The following GALNT10 variants were observed in gnomAD, a reference collection of about 807,000 sequenced individuals.
The protein encoded by GALNT10 is polypeptide N-acetylgalactosaminyltransferase 10.
Under a neutral mutation model 75.0 loss-of-function variants are expected in GALNT10, and 41 were observed. That is an observed-to-expected ratio of 0.55 (90% confidence interval 0.43 to 0.71). GALNT10 has a LOEUF of 0.71. Ranked by LOEUF, GALNT10 falls within the 30% of genes least tolerant of loss-of-function variation. GALNT10 has a pLI of 0.00. For missense variants in GALNT10, 727 were observed against 818.5 expected (o/e 0.89, Z 1.36); for synonymous variants, 302 against 313.0 (o/e 0.96, Z 0.37).
At chr5:154,222,925 C>A (rs1581926116) in intron 1 of GALNT10, among the ~76,000 whole-genome samples, 2 of 152,174 alleles carry the variant, frequency 1.3e-5, no homozygotes, top group Admixed American at 1.3e-4. Flanking sequence ...GTATCAGTAT[C>A]ATCTGGCAAA....
Position 154,260,919 on chromosome 5 carries a change from G to A in GALNT10, c.160-33897G>A, listed in dbSNP as rs565905904. Among the ~76,000 whole-genome samples the A allele has an allele frequency of 3.3e-5, 5 of 152,308 alleles. No homozygotes were observed. In the South Asian group the frequency reaches 6.2e-4, roughly 19 times the overall value. ...GGTAATAGATCTAATGCAGTGTCAC[G>A]TTAAAGGGAATGTATAAATACTGCT... On this transcript the variant is annotated intron_variant, in intron 1 of 11. Transcript: ENST00000297107.
At position 154,386,354 on chromosome 5, in the gene GALNT10, A is replaced by G. The variant is rs370165932; in HGVS notation, c.980A>G (p.Lys327Arg). The change falls in exon 7 of 12, where the codon AAG becomes AGG. Residue 327 changes from lysine to arginine, a missense_variant. By Grantham distance (26) the Lys-to-Arg change is conservative. Coordinates refer to ENST00000297107, the MANE Select transcript of GALNT10 (RefSeq NM_198321.4). ...GGTGGACTGTTCGCCGTGGATCGGA[A>G]GTGGTTCTGGGAACTCGGCGGGTAT... Reference protein sequence around the residue: ...MAGGLFAVDRKWFWELGGYDP... With the variant: ...MAGGLFAVDRRWFWELGGYDP... 5.6e-6 allele frequency: 9 copies of G among 1,614,076 alleles called. No individual in the cohort carries two copies. Among genetic ancestry groups the G allele is most frequent in the Non-Finnish European group, 6.8e-6 (8 of 1,179,976 alleles).
chr5:154,245,807 G>A (rs1177396356), intron 1 of GALNT10, among the ~76,000 whole-genome samples: 7 of 93,072 alleles, frequency 7.5e-5, no homozygotes, highest in South Asian at 7.5e-4. Flanking sequence ...TATCTTAAGC[G>A]CTTTTTTTTT....
intron 1 of GALNT10, among the ~76,000 whole-genome samples, chr5:154,207,415 C>A (rs1215900186): frequency 6.6e-6 from 1 of 152,190 alleles, no homozygotes; most frequent in African/African-American, 2.4e-5. Flanking sequence ...CAAGGTCACA[C>A]AGCTGGTCAC....
chr5:154,193,371 C>G (rs1403430753), intron 1 of GALNT10, among the ~76,000 whole-genome samples: 1 of 152,204 alleles, frequency 6.6e-6, no homozygotes, highest in Non-Finnish European at 1.5e-5. Flanking sequence ...CTGGGCTTGG[C>G]CCCCAGTCCG....
chr5:154,302,667 A>G (rs1754377971), intron 3 of GALNT10, among the ~76,000 whole-genome samples: 1 of 152,122 alleles, frequency 6.6e-6, no homozygotes. Context: ...TGCTTTCTCC[A>G]TTCCATAGTT....
At chr5:154,268,668 GT>G (rs1314398268) in intron 1 of GALNT10, among the ~76,000 whole-genome samples, 1 of 152,230 alleles carries the variant, frequency 6.6e-6, no homozygotes, top group East Asian at 1.9e-4. Context: ...TATTGGTAGT[GT>G]TAGGTGGTAT....
intron 1 of GALNT10, among the ~76,000 whole-genome samples, chr5:154,291,422 C>T (rs1053185664): frequency 2.0e-5 from 3 of 152,194 alleles, no homozygotes; most frequent in African/African-American, 7.2e-5. Context: ...CCGCCCTAGA[C>T]CTACTGTGCC....
intron 3 of GALNT10, among the ~76,000 whole-genome samples, chr5:154,327,733 G>A (rs1014188405): frequency 1.5e-4 from 23 of 152,174 alleles, no homozygotes; most frequent in African/African-American, 5.3e-4. Context: ...TTTCTCTATA[G>A]AAGAATTTCA....
intron 3 of GALNT10, among the ~76,000 whole-genome samples, chr5:154,326,743 G>T (rs1032763458): frequency 6.6e-6 from 1 of 152,174 alleles, no homozygotes; most frequent in African/African-American, 2.4e-5. Flanking sequence ...TAGCTGGCAG[G>T]AGGGGAAGAT....
At chr5:154,375,923 C>T (rs542218885) in intron 4 of GALNT10, among the ~76,000 whole-genome samples, 1 of 152,206 alleles carries the variant, frequency 6.6e-6, no homozygotes, top group Non-Finnish European at 1.5e-5. Flanking sequence ...GTCTGATGGA[C>T]TGAGAAGGGA....
intron 1 of GALNT10, among the ~76,000 whole-genome samples, chr5:154,246,483 T>G (rs1163752366): frequency 6.6e-6 from 1 of 152,238 alleles, no homozygotes; most frequent in Non-Finnish European, 1.5e-5. Context: ...GTTTCCTGAC[T>G]TTTTAATGAT....
In GALNT10 at chr5:154,338,289, T is replaced by C; in HGVS notation, c.568+8551T>C. On this transcript the variant is annotated intron_variant, in intron 4 of 11. Coordinates refer to ENST00000297107, the MANE Select transcript of GALNT10 (RefSeq NM_198321.4). ...CTGGAGTGCTTGGTGCTTGGATCTC[T>C]CCTTACCACACAATCTCTGACCATT... 4 of 637,252 alleles carry C rather than the reference T, an allele frequency of 6.3e-6. No homozygotes were observed. The South Asian group carries it at 6.6e-5, about 10-fold the overall frequency. The allele number at this position is 637,252 out of a possible 1,614,324, so 39.5% of individuals were successfully genotyped here.
At chr5:154,219,867 C>CACACACACACACACACACA (rs370278926) in intron 1 of GALNT10, among the ~76,000 whole-genome samples, 1 of 146,220 alleles carries the variant, frequency 6.8e-6, no homozygotes. Flanking sequence ...CACACACACA[C>CACACACACACACACACACA]CACAGAGAGA....
In GALNT10 at chr5:154,286,727, G is replaced by C. The variant is rs573697057; in HGVS notation, c.160-8089G>C. On this transcript the variant is annotated intron_variant, in intron 1 of 11. Coordinates refer to ENST00000297107, the MANE Select transcript of GALNT10 (RefSeq NM_198321.4). ...ACCTTCCCCTCTTAGAGAAGGGCCAGATTTCAGATTTCAGCATCCTGGTGT... is the reference window on the plus strand; with the variant it reads ...ACCTTCCCCTCTTAGAGAAGGGCCACATTTCAGATTTCAGCATCCTGGTGT... Among the ~76,000 whole-genome samples, 65 of 152,320 alleles carry C rather than the reference G, an allele frequency of 4.3e-4. 1 individual carries two copies. The South Asian group carries it at 0.012, about 27-fold the overall frequency.
chr5:154,408,641 A>C (rs573428632), intron 8 of GALNT10, among the ~76,000 whole-genome samples: 10 of 152,112 alleles, frequency 6.6e-5, no homozygotes, highest in Admixed American at 6.5e-4. Flanking sequence ...TGTGGCTGTC[A>C]TTTTTTAAAA....
chr5:154,362,714 T>G (rs1366586324), intron 4 of GALNT10, among the ~76,000 whole-genome samples: 1 of 152,242 alleles, frequency 6.6e-6, no homozygotes, highest in Non-Finnish European at 1.5e-5. Flanking sequence ...GAGTCTTTTT[T>G]ATGGTTAGCA....
chr5:154,386,222 A>G lies in GALNT10; in HGVS notation c.939-91A>G, dbSNP rs1582003741. 21 of 900,938 alleles carry G rather than the reference A, an allele frequency of 2.3e-5. No homozygotes were observed. In the South Asian group the frequency reaches 2.5e-4, roughly 11 times the overall value. 55.8% of individuals were successfully genotyped at this position (900,938 alleles called of 1,614,324 possible). On this transcript the variant is annotated intron_variant, in intron 6 of 11. Transcript: ENST00000297107. ...CTGTGTTCAGGGAGCAGCATGGAAC[A>G]CCGCCGCTGGGGGAATGGCATTATC...
intron 1 of GALNT10, among the ~76,000 whole-genome samples, chr5:154,217,618 C>A (rs1288189978): frequency 1.1e-4 from 17 of 152,176 alleles, no homozygotes; most frequent in Non-Finnish European, 1.5e-5. Flanking sequence ...TGAAAGTTCC[C>A]ACATGCACAG....
Sources: allele counts gnomAD v4.1 joint callset (sites outside exome capture counted in the v4.1 genomes callset), GRCh38; gene constraint gnomAD v4.1.1; transcripts MANE v1.5; gene names NCBI Gene and HGNC (gene_info 2026-07-23, HGNC 2026-07-21).